Variants in RBM19 observed in about 807,000 individuals in gnomAD.
The protein encoded by RBM19 is probable RNA-binding protein 19.
RBM19 carries 94 observed loss-of-function variants against 116.8 expected under a neutral mutation model. The observed-to-expected ratio is 0.80, with a 90% CI of 0.68 to 0.95. The LOEUF is 0.95. RBM19 is among the 40% of genes least tolerant of loss of function. The pLI is 0.00. For synonymous variants in RBM19, 475 were observed against 494.1 expected (o/e 0.96, Z 0.51); for missense variants, 1,161 against 1,220.7 (o/e 0.95, Z 0.73).
intron 21 of RBM19, among the ~76,000 whole-genome samples, chr12:113,866,957 C>A (rs1256087379): frequency 1.3e-5 from 2 of 152,228 alleles, no homozygotes; most frequent in Non-Finnish European, 2.9e-5. Flanking sequence ...GTACCACGTC[C>A]TACATTTGGG....
downstream of RBM19, among the ~76,000 whole-genome samples, chr12:113,818,474 A>G (rs544849032): frequency 4.6e-5 from 7 of 152,308 alleles, 1 homozygote; most frequent in South Asian, 1.5e-3. Flanking sequence ...GTGAGTCCCT[A>G]TCCCGCCCCA....
chr12:113,835,439 G>A (rs1875792458), intron 23 of RBM19, among the ~76,000 whole-genome samples: 1 of 152,178 alleles, frequency 6.6e-6, no homozygotes, highest in East Asian at 1.9e-4. Flanking sequence ...TGTGGTACTC[G>A]AGGAGGACCA....
intron 16 of RBM19, among the ~76,000 whole-genome samples, chr12:113,929,780 T>G (rs1174518846): frequency 6.6e-6 from 1 of 152,202 alleles, no homozygotes; most frequent in East Asian, 1.9e-4. Flanking sequence ...GTCTCACTCA[T>G]GACCACAGCA....
chr12:113,822,991 G>T lies in RBM19; in HGVS notation c.*233C>A. The T allele has an allele frequency of 1.9e-6, 1 of 533,706 alleles. No individual in the cohort carries two copies. 33.1% of individuals were successfully genotyped at this position (533,706 alleles called of 1,614,324 possible). A position where few individuals can be genotyped will look rare whatever the true frequency, so the allele number is the denominator to read the frequency against. On this transcript the variant is annotated 3_prime_UTR_variant, in exon 24 of 24. Transcript: ENST00000261741. ...TCCGTGTCTGCTACAGAGCAGGTGC[G>T]CAGTCAGTGTCTGCTAGAACGCGTC... is the stretch of plus-strand genomic sequence containing the variant.
At chr12:113,862,973 T>C (rs757387787) in intron 21 of RBM19, among the ~76,000 whole-genome samples, 1 of 151,986 alleles carries the variant, frequency 6.6e-6, no homozygotes, top group Non-Finnish European at 1.5e-5. Context: ...CCCTCTGCCA[T>C]GCCAGGAACA....
intron 21 of RBM19, among the ~76,000 whole-genome samples, chr12:113,878,632 G>GACACACACACACACACAC (rs55868508): frequency 1.5e-5 from 2 of 137,902 alleles, no homozygotes; most frequent in East Asian, 2.2e-4. Flanking sequence ...CATTCTCCCT[G>GACACACACACACACACAC]ACACACACAC....
intron 2 of RBM19, 107 bp from the exon 3 acceptor site, chr12:113,960,285 A>G (rs1252723883): frequency 1.8e-5 from 27 of 1,494,622 alleles, no homozygotes; most frequent in Non-Finnish European, 6.4e-6. Context: ...GTCACTGCCT[A>G]GCTGAGTTTG....
At position 113,927,144 on chromosome 12, in the gene RBM19, C is replaced by G; in HGVS notation, c.2154G>C (p.Glu718Asp). 6.2e-7 allele frequency: 1 copy of G among 1,608,832 alleles called. No individual in the cohort carries two copies. Among genetic ancestry groups the G allele is most frequent in the Non-Finnish European group, 8.5e-7 (1 of 1,177,648 alleles). Reference protein sequence around the residue: ...NSSAKMEEEEEEEEEEEESLP... With the variant: ...NSSAKMEEEEDEEEEEEESLP... ...GGCTCTCTTCTTCTTCTTCCTCTTC[C>G]TCCTCCTCCTCTTCCATCTTTGCTG... The change falls in exon 17 of 24, where the codon GAG becomes GAC. Residue 718 changes from glutamate to aspartate, a missense_variant. Transcript: ENST00000261741.
intron 16 of RBM19, among the ~76,000 whole-genome samples, chr12:113,936,534 C>G (rs1440986030): frequency 1.3e-5 from 2 of 152,242 alleles, no homozygotes; most frequent in Non-Finnish European, 2.9e-5. Context: ...CTTTTCCCAG[C>G]TAGGAAGCAT....
intron 21 of RBM19, among the ~76,000 whole-genome samples, chr12:113,870,548 G>C (rs770156570): frequency 1.3e-5 from 2 of 152,104 alleles, no homozygotes; most frequent in Non-Finnish European, 2.9e-5. Context: ...CTCCTACTTA[G>C]AGAACAAGGA....
At chr12:113,946,596 GGGT>G in intron 11 of RBM19, 121 bp from the exon 12 acceptor site, 1 of 1,356,780 alleles carries the variant, frequency 7.4e-7, no homozygotes, top group Non-Finnish European at 1.0e-6. Flanking sequence ...CCTGACCAGA[GGGT>G]GGGAGGGAGG....
intron 7 of RBM19, 79 bp downstream of exon 7, chr12:113,955,052 G>T: frequency 7.1e-7 from 1 of 1,405,292 alleles, no homozygotes; most frequent in South Asian, 1.2e-5. Flanking sequence ...ATGCCCCCAT[G>T]CACCAAAGGC....
intron 1 of RBM19, among the ~76,000 whole-genome samples, chr12:113,963,741 T>G (rs1434561506): frequency 1.3e-5 from 2 of 152,220 alleles, no homozygotes; most frequent in Admixed American, 1.3e-4. Context: ...GGTGACTTTC[T>G]GGCACCAAAG....
At chr12:113,906,913 G>T (rs565196382) in intron 21 of RBM19, among the ~76,000 whole-genome samples, 3 of 152,046 alleles carry the variant, frequency 2.0e-5, no homozygotes, top group Non-Finnish European at 4.4e-5. Context: ...TGTCCTTATC[G>T]GGAGAAGGCA....
At chr12:113,861,738 T>G (rs541510399) in intron 21 of RBM19, among the ~76,000 whole-genome samples, 1 of 152,000 alleles carries the variant, frequency 6.6e-6, no homozygotes, top group South Asian at 2.1e-4. Flanking sequence ...ACAGAAGACA[T>G]GCTTTTGTGG....
At chr12:113,848,333 C>T (rs969434055) in intron 22 of RBM19, among the ~76,000 whole-genome samples, 2 of 152,168 alleles carry the variant, frequency 1.3e-5, no homozygotes, top group Non-Finnish European at 2.9e-5. Flanking sequence ...AATTACCCTG[C>T]TGAGTTCTAG....
At chr12:113,922,259 T>G (rs190500483) in intron 18 of RBM19, among the ~76,000 whole-genome samples, 167 of 152,258 alleles carry the variant, frequency 1.1e-3, no homozygotes, top group African/African-American at 3.9e-3. Flanking sequence ...GTCGGCCCCT[T>G]CCTTACAGAC....
chr12:113,841,309 C>A (rs1324744819), intron 23 of RBM19, among the ~76,000 whole-genome samples: 1 of 152,212 alleles, frequency 6.6e-6, no homozygotes, highest in Non-Finnish European at 1.5e-5. Flanking sequence ...CTGAAGGAAC[C>A]CTGCAGATCT....
intron 16 of RBM19, among the ~76,000 whole-genome samples, chr12:113,935,245 G>T (rs1263636285): frequency 6.6e-6 from 1 of 151,750 alleles, no homozygotes; most frequent in Admixed American, 6.6e-5. Context: ...CCACCAATTT[G>T]TTTTCAGTGC....
Sources: allele counts gnomAD v4.1 joint callset (sites outside exome capture counted in the v4.1 genomes callset), GRCh38; gene constraint gnomAD v4.1.1; transcripts MANE v1.5; gene names NCBI Gene and HGNC (gene_info 2026-07-23, HGNC 2026-07-21).